Variants in DAG1 observed in about 807,000 individuals in gnomAD.
DAG1 encodes the protein dystroglycan 1 (dystrophin-associated glycoprotein 1).
DAG1 carries 8 observed loss-of-function variants against 46.1 expected under a neutral mutation model. That is an observed-to-expected ratio of 0.17 (90% CI 0.10 to 0.31). The LOEUF is 0.31. Among genes scored for constraint, DAG1 ranks in the 10% least tolerant of loss-of-function variants. The probability of loss-of-function intolerance (pLI) is 1.00; values close to 1 mark genes in which losing one functional copy is unlikely to be tolerated. For synonymous variants in DAG1, 495 were observed against 481.8 expected (o/e 1.03, Z -0.36); for missense variants, 1,003 against 1,189.9 (o/e 0.84, Z 2.31).
intron 1 of DAG1, among the ~76,000 whole-genome samples, chr3:49,497,291 G>A (rs989398995): frequency 1.4e-4 from 21 of 152,096 alleles, no homozygotes; most frequent in Non-Finnish European, 3.1e-4. Context: ...ACAAAAATTA[G>A]CTGGACGTCA....
chr3:49,491,865 C>T (rs952777327), intron 1 of DAG1, among the ~76,000 whole-genome samples: 5 of 151,972 alleles, frequency 3.3e-5, no homozygotes, highest in Non-Finnish European at 5.9e-5. Flanking sequence ...GTGATCCTCC[C>T]GCCTTGGCCT....
Position 49,532,797 on chromosome 3 carries a change from C to T in DAG1, c.2286C>T (p.Ala762=), listed in dbSNP as rs2051398950. 1 of 1,614,026 alleles carries T rather than the reference C, an allele frequency of 6.2e-7. No individual in the cohort carries two copies. Among genetic ancestry groups the T allele is most frequent in the Non-Finnish European group, 8.5e-7 (1 of 1,180,018 alleles). Residue 762 remains alanine, a synonymous_variant, in exon 3 of 3, where the codon GCC becomes GCT. Transcript: ENST00000308775. This position sits in a 1 kb window ranked among gnomAD's most constrained non-coding sequence, Gnocchi z 5.4. ...HTVIPAVVVA[A]ILLIAGIIAM... ...TCATTCCGGCCGTGGTGGTCGCAGC[C>T]ATCCTGCTCATTGCTGGCATCATTG... is the stretch of plus-strand genomic sequence containing the variant.
In DAG1 at chr3:49,472,596, A is replaced by C. The variant is rs1211589728; in HGVS notation, c.-117+2163A>C. Among the ~76,000 whole-genome samples the C allele has an allele frequency of 2.0e-5, 3 of 152,228 alleles. No homozygotes were observed. In the East Asian group the frequency reaches 5.8e-4, roughly 29 times the overall value. On this transcript the variant is annotated intron_variant, in intron 1 of 2. Transcript: ENST00000308775. ...GCCGAGGCGGGCGGATCACGAGGTC[A>C]GGAGATCGAGATCATCCTGGCTAAC...
chr3:49,492,224 C>G (rs1227303304), intron 1 of DAG1, among the ~76,000 whole-genome samples: 1 of 152,258 alleles, frequency 6.6e-6, no homozygotes, highest in Non-Finnish European at 1.5e-5. Flanking sequence ...CGTACCCCGC[C>G]TGGCTCCAAG....
At chr3:49,477,174 T>TA (rs2049702744) in intron 1 of DAG1, among the ~76,000 whole-genome samples, 1 of 151,970 alleles carries the variant, frequency 6.6e-6, no homozygotes, top group Admixed American at 6.6e-5. Context: ...ATTTTGTATT[T>TA]TTAGTAGAGA....
At chr3:49,484,204 TA>T (rs2049956795) in intron 1 of DAG1, among the ~76,000 whole-genome samples, 1 of 152,198 alleles carries the variant, frequency 6.6e-6, no homozygotes, top group Non-Finnish European at 1.5e-5. Flanking sequence ...GGGTCAACAG[TA>T]TGGTCCTAAA....
At chr3:49,511,034 C>T in intron 2 of DAG1, 1 of 928,250 alleles carries the variant, frequency 1.1e-6, no homozygotes, top group Non-Finnish European at 1.3e-6. Context: ...CTGAGGGCAT[C>T]ACCATGTAAT....
At position 49,480,997 on chromosome 3, in the gene DAG1, G is replaced by A. The variant is rs1432980183; in HGVS notation, c.-117+10564G>A. Among the ~76,000 whole-genome samples, 5 of 145,558 alleles carry A rather than the reference G, an allele frequency of 3.4e-5. No homozygotes were observed. In the East Asian group the frequency reaches 1.0e-3, roughly 30 times the overall value. ...AGGACGGTCTCGATCTCCTGACCTC[G>A]TGATCCGCCCGCTTCGGCCTCCCAA... is the stretch of plus-strand genomic sequence containing the variant. On this transcript the variant is annotated intron_variant, in intron 1 of 2. Transcript: ENST00000308775.
intron 2 of DAG1, among the ~76,000 whole-genome samples, chr3:49,525,844 C>A (rs965739819): frequency 1.3e-5 from 2 of 151,110 alleles, no homozygotes; most frequent in African/African-American, 2.4e-5. Context: ...AGGCGTGAGC[C>A]ACCGCGCTCG....
At chr3:49,495,293 A>G (rs1242004989) in intron 1 of DAG1, among the ~76,000 whole-genome samples, 4 of 152,302 alleles carry the variant, frequency 2.6e-5, no homozygotes, top group Non-Finnish European at 2.9e-5. Flanking sequence ...GTATTAGTAT[A>G]AATACTTGGT....
intron 1 of DAG1, among the ~76,000 whole-genome samples, chr3:49,488,934 G>A (rs573053146): frequency 4.5e-4 from 69 of 152,244 alleles, no homozygotes; most frequent in Middle Eastern, 3.4e-3. Flanking sequence ...GAAATTAAAA[G>A]AGATGTGCTT....
At chr3:49,512,957 C>CT (rs2050802464) in intron 2 of DAG1, among the ~76,000 whole-genome samples, 1 of 152,092 alleles carries the variant, frequency 6.6e-6, no homozygotes, top group Non-Finnish European at 1.5e-5. Flanking sequence ...GAGACCTATA[C>CT]TTTGTTAGGT....
At chr3:49,493,027 A>C (rs1437192102) in intron 1 of DAG1, 3 of 97,724 alleles carry the variant, frequency 3.1e-5, no homozygotes, top group South Asian at 7.0e-4. Flanking sequence ...GCAAATCATT[A>C]TTTTTATTCT....
chr3:49,486,740 T>G (rs1009061215), intron 1 of DAG1, among the ~76,000 whole-genome samples: 8 of 152,110 alleles, frequency 5.3e-5, no homozygotes, highest in Non-Finnish European at 1.0e-4. Context: ...TGACCTCGGG[T>G]GATCTGCCCA....
rs982436029 is a variant in DAG1 at position 49,478,787 on chromosome 3, C to G, written c.-117+8354C>G. ...CAAAAAATAAAAAAATGAAAAGTCTCTTGTCGTCCCCTCCCTTTTTTTTTT... is the reference window on the plus strand; with the variant it reads ...CAAAAAATAAAAAAATGAAAAGTCTGTTGTCGTCCCCTCCCTTTTTTTTTT... On this transcript the variant is annotated intron_variant, in intron 1 of 2. Transcript: ENST00000308775. Among the ~76,000 whole-genome samples, 5 of 127,588 alleles carry G rather than the reference C, an allele frequency of 3.9e-5. No individual in the cohort carries two copies. In the South Asian group the frequency reaches 7.4e-4, roughly 19 times the overall value. The allele number at this position is 127,588 out of a possible 152,430, so 83.7% of individuals were successfully genotyped here.
At chr3:49,512,114 C>G (rs1333846537) in intron 2 of DAG1, among the ~76,000 whole-genome samples, 1 of 152,098 alleles carries the variant, frequency 6.6e-6, no homozygotes, top group Non-Finnish European at 1.5e-5. Context: ...TCTCTGCAGC[C>G]TTAACCTCCC....
chr3:49,470,936 TTAC>T (rs2049502340), intron 1 of DAG1: 1 of 152,262 alleles, frequency 6.6e-6, no homozygotes, highest in Non-Finnish European at 1.5e-5. Context: ...GCTTGTTTAC[TTAC>T]TACCTTTTCA....
chr3:49,530,438 G>A (rs2051308004), intron 2 of DAG1, among the ~76,000 whole-genome samples: 1 of 152,280 alleles, frequency 6.6e-6, no homozygotes, highest in Admixed American at 6.5e-5. Context: ...TGATTCTTCA[G>A]GTAGAATGGG....
chr3:49,518,653 CTT>C (rs1198511978), intron 2 of DAG1, among the ~76,000 whole-genome samples: 2 of 152,246 alleles, frequency 1.3e-5, no homozygotes, highest in Non-Finnish European at 2.9e-5. Context: ...TCTGACAGCT[CTT>C]GTCCAGTCTC....
Sources: allele counts gnomAD v4.1 joint callset (sites outside exome capture counted in the v4.1 genomes callset), GRCh38; gene constraint gnomAD v4.1.1; non-coding constraint Gnocchi (gnomAD v3.1); transcripts MANE v1.5; gene names NCBI Gene and HGNC (gene_info 2026-07-23, HGNC 2026-07-21).